ZNF600: variants seen among roughly 807,000 people sequenced by gnomAD.
The protein encoded by ZNF600 is zinc finger protein KR-ZNF1.
In ZNF600, 4 loss-of-function variants were observed where a neutral mutation model predicts 7.3. The ratio of observed to expected loss-of-function variants is 0.55; its 90% CI spans 0.27 to 1.25. ZNF600 has a LOEUF of 1.25. Ranked by LOEUF, ZNF600 falls within the 50% of genes most tolerant of loss-of-function variation. The pLI, the probability that ZNF600 is intolerant of heterozygous loss-of-function variation, is 0.12. For missense variants in ZNF600, 911 were observed against 922.1 expected, an observed-to-expected ratio of 0.99 and a Z score of 0.16; for synonymous variants, 290 against 308.9, an observed-to-expected ratio of 0.94 and a Z score of 0.64.
chr19:52,801,637 G>A, the ZNF600 span: 1 of 1,613,782 alleles, frequency 6.2e-7, no homozygotes. Context: ...GTCCCTGTGT[G>A]GAACGCTTCT....
intron 1 of ZNF600, chr19:52,780,998 C>T (rs1413950184): frequency 6.6e-6 from 1 of 152,194 alleles, no homozygotes; most frequent in African/African-American, 2.4e-5. Flanking sequence ...TGTTTGATGA[C>T]CCAGGAGACA....
the ZNF600 span, among the ~76,000 whole-genome samples, chr19:52,830,146 G>A: frequency 6.6e-6 from 1 of 152,040 alleles, no homozygotes; most frequent in African/African-American, 2.4e-5. Flanking sequence ...GTTGGTGCAT[G>A]CCTGTAATCC....
intron 1 of ZNF600, among the ~76,000 whole-genome samples, chr19:52,782,052 C>T (rs1198693690): frequency 1.3e-5 from 2 of 150,968 alleles, no homozygotes; most frequent in Non-Finnish European, 3.0e-5. Flanking sequence ...CAGAGAGTCT[C>T]AATAAATAAA....
the ZNF600 span, among the ~76,000 whole-genome samples, chr19:52,802,262 T>C: frequency 1.3e-5 from 2 of 152,170 alleles, no homozygotes; most frequent in African/African-American, 2.4e-5. Context: ...ACAGCTACTC[T>C]GAAGGCTGTG....
chr19:52,806,182 C>G, the ZNF600 span, among the ~76,000 whole-genome samples: 1 of 112,874 alleles, frequency 8.9e-6, no homozygotes, highest in African/African-American at 3.1e-5. Context: ...GTCATTTTTG[C>G]AGGTTACAGA....
Position 52,766,495 on chromosome 19 carries a change from TC to T in ZNF600, c.1467del (p.Lys490ArgfsTer10), listed in dbSNP as rs2062579314. 1 of 1,614,058 alleles carries T rather than the reference TC, an allele frequency of 6.2e-7. No individual in the cohort carries two copies. The highest frequency in any genetic ancestry group is 1.1e-5 in the South Asian group (1 of 91,082). Reference sequence around the variant, plus strand: ...AGATCTGAATTTTGACCAAAGGTCTTCCCACATTCATTACACTTGTAAGGTT... The same window carrying T: ...AGATCTGAATTTTGACCAAAGGTCTTCCACATTCATTACACTTGTAAGGTT... On this transcript the variant is annotated frameshift_variant, in exon 4 of 4. Coordinates refer to ENST00000648973, the Ensembl canonical transcript of ZNF600. LOFTEE classifies it low-confidence loss of function (END_TRUNC).
the ZNF600 span, chr19:52,805,367 A>G: frequency 6.6e-6 from 1 of 150,404 alleles, no homozygotes; most frequent in Admixed American, 6.6e-5. Context: ...GTTCACGCCA[A>G]TAATCCCAGC....
the ZNF600 span, among the ~76,000 whole-genome samples, chr19:52,795,218 G>A: frequency 6.6e-6 from 1 of 152,204 alleles, no homozygotes; most frequent in Admixed American, 6.5e-5. Context: ...TATTTAGTCA[G>A]ATGACATAAA....
At chr19:52,764,816 C>T (rs546432235) in exon 4 of ZNF600, 1 of 159,026 alleles carries the variant, frequency 6.3e-6, no homozygotes, top group Non-Finnish European at 1.4e-5. Context: ...CGTGCCTGGC[C>T]TGATCTCCCT....
chr19:52,802,598 A>C, the ZNF600 span, among the ~76,000 whole-genome samples: 3 of 151,876 alleles, frequency 2.0e-5, no homozygotes, highest in Non-Finnish European at 2.9e-5. Context: ...AATCGCTTGA[A>C]CTTGGGAGGC....
intron 1 of ZNF600, among the ~76,000 whole-genome samples, chr19:52,779,190 C>G (rs976886517): frequency 8.5e-5 from 13 of 152,206 alleles, no homozygotes; most frequent in African/African-American, 2.7e-4. Flanking sequence ...ACCCATCCTT[C>G]ATCAATCCCC....
chr19:52,793,196 T>G, the ZNF600 span, among the ~76,000 whole-genome samples: 3 of 152,230 alleles, frequency 2.0e-5, no homozygotes, highest in Non-Finnish European at 4.4e-5. Context: ...ACTTCTTACG[T>G]ATACTGATTG....
At chr19:52,771,073 T>C (rs754396018) in intron 3 of ZNF600, among the ~76,000 whole-genome samples, 1 of 152,134 alleles carries the variant, frequency 6.6e-6, no homozygotes, top group Non-Finnish European at 1.5e-5. Context: ...CCTCATGTGA[T>C]TTGGCCGTCT....
At chr19:52,783,905 C>T (rs767356596) in intron 1 of ZNF600, among the ~76,000 whole-genome samples, 2 of 152,116 alleles carry the variant, frequency 1.3e-5, no homozygotes, top group African/African-American at 2.4e-5. Flanking sequence ...ATTCTTCTGC[C>T]TCAGCCTCCT....
intron 2 of ZNF600, among the ~76,000 whole-genome samples, chr19:52,777,197 T>C (rs1234485721): frequency 6.6e-6 from 1 of 151,206 alleles, no homozygotes; most frequent in East Asian, 2.0e-4. Context: ...ACCAATACGG[T>C]GAAACCCCAT....
At chr19:52,820,409 G>A in the ZNF600 span, among the ~76,000 whole-genome samples, 4 of 75,026 alleles carry the variant, frequency 5.3e-5, no homozygotes, top group South Asian at 4.7e-4. Context: ...GAGCCACCGC[G>A]CCCGGCCCTT....
At chr19:52,776,147 T>A (rs1227289601) in intron 2 of ZNF600, among the ~76,000 whole-genome samples, 1 of 147,794 alleles carries the variant, frequency 6.8e-6, no homozygotes, top group African/African-American at 2.5e-5. Flanking sequence ...GAAAGGTCTG[T>A]ACTTGGAGAC....
intron 1 of ZNF600, among the ~76,000 whole-genome samples, chr19:52,780,098 TCCTG>T (rs2147556383): frequency 6.6e-6 from 1 of 151,756 alleles, no homozygotes; most frequent in East Asian, 1.9e-4. Context: ...CTTCAAGTCT[TCCTG>T]CCTTTGTTTA....
chr19:52,782,118 C>A (rs1219362442), intron 1 of ZNF600, among the ~76,000 whole-genome samples: 1 of 151,994 alleles, frequency 6.6e-6, no homozygotes, highest in East Asian at 1.9e-4. Context: ...GTCCCAGCTA[C>A]TCCGGAGGCT....
Sources: gnomAD v4.1 joint callset for allele counts (sites outside exome capture counted in the v4.1 genomes callset) on GRCh38, gnomAD v4.1.1 for gene constraint, MANE v1.5 for transcripts, NCBI Gene and HGNC (gene_info 2026-07-23, HGNC 2026-07-21) for gene names.